CCNY: variants seen among roughly 807,000 people sequenced by gnomAD.
CCNY encodes cyclin Y.
CCNY carries 19 observed loss-of-function variants against 42.8 expected under a neutral mutation model. The observed-to-expected ratio is 0.44, with a 90% CI of 0.31 to 0.65. CCNY has a LOEUF of 0.65. Among genes scored for constraint, CCNY ranks in the 30% least tolerant of loss-of-function variants. CCNY has a pLI of 0.07. For missense variants in CCNY, 370 were observed against 437.3 expected, an observed-to-expected ratio of 0.85 and a Z score of 1.37; for synonymous variants, 165 against 162.7, an observed-to-expected ratio of 1.01 and a Z score of -0.11.
chr10:35,356,319 A>G (rs747905249), intron 1 of CCNY, among the ~76,000 whole-genome samples: 3 of 152,178 alleles, frequency 2.0e-5, no homozygotes, highest in East Asian at 1.9e-4. Flanking sequence ...ATGTTAGTGT[A>G]TGGTAAACAC....
At chr10:35,277,735 T>C (rs1835255450) in intron 3 of CCNY, among the ~76,000 whole-genome samples, 1 of 152,262 alleles carries the variant, frequency 6.6e-6, no homozygotes, top group Non-Finnish European at 1.5e-5. Context: ...TTTTTTTTTT[T>C]TCCAAAAGAG....
intron 1 of CCNY, among the ~76,000 whole-genome samples, chr10:35,360,982 T>TCC (rs1836671723): frequency 6.6e-6 from 1 of 152,128 alleles, no homozygotes; most frequent in Non-Finnish European, 1.5e-5. Context: ...TGCCTCAGCC[T>TCC]CATGAGTAGC....
At position 35,504,786 on chromosome 10, in the gene CCNY, G is replaced by A. The variant is rs186583003; in HGVS notation, c.264+3251G>A. Among the ~76,000 whole-genome samples the A allele has an allele frequency of 3.0e-3, 457 of 152,096 alleles. 5 individuals are homozygous for A. Among genetic ancestry groups the A allele is most frequent in the African/African-American group, 0.011 (448 of 41,492 alleles). On this transcript the variant is annotated intron_variant, in intron 3 of 9. Transcript: ENST00000374704. ...CAAGTAGCTGGGATTAAAAGCATGC[G>A]CCACCATACCCGGCTAATTTTTGTA...
chr10:35,390,948 A>G (rs1281144211), intron 1 of CCNY, among the ~76,000 whole-genome samples: 2 of 152,250 alleles, frequency 1.3e-5, no homozygotes, highest in Admixed American at 1.3e-4. Context: ...CCCTCTGGGA[A>G]CACGGAACCC....
chr10:35,369,339 G>A (rs1451641212), intron 1 of CCNY, among the ~76,000 whole-genome samples: 1 of 152,218 alleles, frequency 6.6e-6, no homozygotes, highest in Admixed American at 6.5e-5. Flanking sequence ...TTAAGGGCAT[G>A]AACATTGTTT....
intron 7 of CCNY, among the ~76,000 whole-genome samples, chr10:35,548,425 A>C (rs1430182844): frequency 6.6e-6 from 1 of 151,388 alleles, no homozygotes; most frequent in Non-Finnish European, 1.5e-5. Flanking sequence ...CAGCCTCCCA[A>C]ATAGCTGGGA....
intron 1 of CCNY, among the ~76,000 whole-genome samples, chr10:35,474,778 C>T (rs535518774): frequency 5.9e-5 from 9 of 152,238 alleles, no homozygotes; most frequent in Admixed American, 2.0e-4. Flanking sequence ...TCACCAGCAA[C>T]GGAACAAAGC....
intron 1 of CCNY, among the ~76,000 whole-genome samples, chr10:35,356,982 C>T (rs145942552): frequency 3.9e-5 from 6 of 152,270 alleles, no homozygotes; most frequent in Admixed American, 2.0e-4. Flanking sequence ...ACTCCATGCA[C>T]AAGGGCCTCC....
chr10:35,347,208 TATTTGA>T, intron 1 of CCNY, among the ~76,000 whole-genome samples: 1 of 152,318 alleles, frequency 6.6e-6, no homozygotes, highest in East Asian at 1.9e-4. Flanking sequence ...GGGTATGGTG[TATTTGA>T]GTGGCTTGCT....
At chr10:35,411,050 T>G (rs1667486781) in intron 1 of CCNY, among the ~76,000 whole-genome samples, 1 of 152,202 alleles carries the variant, frequency 6.6e-6, no homozygotes, top group African/African-American at 2.4e-5. Flanking sequence ...ACTCGGACAG[T>G]TGTCTTTAGT....
chr10:35,488,305 G>GT (rs1207289610), intron 2 of CCNY, among the ~76,000 whole-genome samples: 1 of 152,288 alleles, frequency 6.6e-6, no homozygotes, highest in East Asian at 1.9e-4. Context: ...TCGTGTTTTG[G>GT]TTACCGGGCA....
chr10:35,328,520 C>A (rs1387785279), intron 3 of CCNY, among the ~76,000 whole-genome samples: 1 of 152,140 alleles, frequency 6.6e-6, no homozygotes, highest in Admixed American at 6.5e-5. Context: ...AGTAACTAAG[C>A]AACAAGAAGA....
At chr10:35,337,940 A>G (rs765818773) in intron 1 of CCNY, among the ~76,000 whole-genome samples, 5 of 152,214 alleles carry the variant, frequency 3.3e-5, no homozygotes, top group Non-Finnish European at 7.3e-5. Flanking sequence ...AGCTAAGACT[A>G]ATTACTGCAC....
At chr10:35,390,203 A>G (rs1010185697) in intron 1 of CCNY, among the ~76,000 whole-genome samples, 5 of 152,216 alleles carry the variant, frequency 3.3e-5, no homozygotes, top group Non-Finnish European at 5.9e-5. Context: ...ATTCTTGTCA[A>G]TTAGTTTTGA....
chr10:35,494,277 T>C (rs897875803), intron 2 of CCNY, among the ~76,000 whole-genome samples: 11 of 150,210 alleles, frequency 7.3e-5, no homozygotes, highest in Non-Finnish European at 1.6e-4. Context: ...TTTTTTTTTT[T>C]TAAAGAAAGA....
intron 7 of CCNY, among the ~76,000 whole-genome samples, chr10:35,547,046 T>A (rs1226581283): frequency 6.6e-6 from 1 of 152,088 alleles, no homozygotes; most frequent in Non-Finnish European, 1.5e-5. Flanking sequence ...CTCAGCACAG[T>A]GGTATTGCAC....
intron 1 of CCNY, among the ~76,000 whole-genome samples, chr10:35,453,777 A>C (rs1294143462): frequency 6.6e-6 from 1 of 152,226 alleles, no homozygotes; most frequent in Non-Finnish European, 1.5e-5. Context: ...CAATATTTCT[A>C]GTAACCATAT....
rs555475193 is a variant in CCNY, at chr10:35,546,408, A to G, written c.580-6611A>G. ...GCTCATTAACCTGTGGTTTCCAGAG[A>G]GACTTCTTAGGATAGTCATTCTCAT... is the stretch of plus-strand genomic sequence containing the variant. On this transcript the variant is annotated intron_variant, in intron 7 of 9. Transcript: ENST00000374704. Among the ~76,000 whole-genome samples the G allele has an allele frequency of 5.9e-5, 9 of 152,304 alleles. No individual in the cohort carries two copies. In the East Asian group the frequency reaches 1.5e-3, roughly 26 times the overall value.
upstream of CCNY, chr10:35,332,474 T>A (rs754320245): frequency 1.1e-4 from 17 of 152,244 alleles, no homozygotes; most frequent in Non-Finnish European, 2.2e-4. Context: ...AGTAGATCTA[T>A]AAATTATACA....
Sources: allele counts gnomAD v4.1 joint callset (sites outside exome capture counted in the v4.1 genomes callset), GRCh38; gene constraint gnomAD v4.1.1; transcripts MANE v1.5; gene names NCBI Gene and HGNC (gene_info 2026-07-23, HGNC 2026-07-21).